The following NRG1 variants were observed in gnomAD, a reference collection of about 807,000 sequenced individuals.
The protein encoded by NRG1 is pro-neuregulin-1, membrane-bound isoform.
A neutral mutation model predicts 63.8 loss-of-function variants in NRG1; 18 were observed. That is an observed-to-expected ratio of 0.28 (90% CI 0.19 to 0.42). NRG1 has a LOEUF of 0.42. Among genes scored for constraint, NRG1 ranks in the 10% least tolerant of loss-of-function variants. NRG1 has a pLI of 1.00. For synonymous variants in NRG1, 302 were observed against 301.3 expected, an observed-to-expected ratio of 1.00 and a Z score of -0.02; for missense variants, 762 against 814.7, an observed-to-expected ratio of 0.94 and a Z score of 0.79.
intron 1 of NRG1, among the ~76,000 whole-genome samples, chr8:31,957,333 A>G (rs1319925294): frequency 1.3e-5 from 2 of 152,116 alleles, no homozygotes; most frequent in African/African-American, 4.8e-5. Context: ...TGTACATGCC[A>G]CATTTCATGA....
intron 1 of NRG1, among the ~76,000 whole-genome samples, chr8:31,680,306 A>C: frequency 9.7e-6 from 1 of 103,536 alleles, no homozygotes; most frequent in African/African-American, 3.9e-5. Context: ...CCCACCCCAC[A>C]ACAGTCCCCA....
chr8:32,241,540 C>T (rs1229879746), intron 1 of NRG1, among the ~76,000 whole-genome samples: 2 of 152,142 alleles, frequency 1.3e-5, no homozygotes, highest in East Asian at 1.9e-4. Context: ...CCAAAATGTA[C>T]TGCACAATTG....
At chr8:31,840,191 T>A (rs1826055175) in intron 1 of NRG1, among the ~76,000 whole-genome samples, 1 of 152,132 alleles carries the variant, frequency 6.6e-6, no homozygotes, top group African/African-American at 2.4e-5. Flanking sequence ...TTACACCAAT[T>A]TGTGACGGTC....
chr8:32,571,082 T>C (rs1191316324), intron 1 of NRG1, among the ~76,000 whole-genome samples: 2 of 152,078 alleles, frequency 1.3e-5, no homozygotes, highest in East Asian at 3.9e-4. Context: ...GAAAGGTGGG[T>C]TAAGAGGATT....
intron 11 of NRG1, chr8:32,763,470 A>G: frequency 8.1e-7 from 1 of 1,237,846 alleles, no homozygotes; most frequent in Non-Finnish European, 1.1e-6. Flanking sequence ...CTCATATGCC[A>G]TTATTTATAA....
At chr8:32,283,848 G>A (rs1234492047) in intron 1 of NRG1, among the ~76,000 whole-genome samples, 2 of 152,124 alleles carry the variant, frequency 1.3e-5, no homozygotes, top group African/African-American at 4.8e-5. Flanking sequence ...AGGCTCTGTT[G>A]ATGATGCATC....
chr8:32,291,533 C>CTTTTT (rs757839225), intron 1 of NRG1, among the ~76,000 whole-genome samples: 22 of 98,030 alleles, frequency 2.2e-4, no homozygotes, highest in East Asian at 6.2e-4. Context: ...TTTTTATCCA[C>CTTTTT]TTTTTTTTTT....
intron 1 of NRG1, among the ~76,000 whole-genome samples, chr8:32,282,781 T>A (rs995765712): frequency 3.3e-5 from 5 of 152,234 alleles, no homozygotes; most frequent in African/African-American, 9.6e-5. Context: ...TTTAAAGGAA[T>A]CATAATTCCT....
chr8:31,888,200 T>C lies in NRG1; in HGVS notation c.37+248769T>C, dbSNP rs571873920. On this transcript the variant is annotated intron_variant, in intron 1 of 10. Transcript: ENST00000519301. The stretch of plus-strand genomic sequence containing the variant: ...CCTCAACAGCATTATAACTTGATAA[T>C]TGTCTTATTTTGGAACTCACGCTGA... 2.8e-4 allele frequency among the ~76,000 whole-genome samples: 43 copies of C among 152,110 alleles called. 1 individual carries two copies. The South Asian group carries it at 5.8e-3, about 21-fold the overall frequency.
At chr8:32,101,097 T>C (rs1830514903) in intron 1 of NRG1, among the ~76,000 whole-genome samples, 1 of 152,194 alleles carries the variant, frequency 6.6e-6, no homozygotes, top group South Asian at 2.1e-4. Context: ...CCAAATAGAA[T>C]ATGTAACTAC....
chr8:32,549,415 A>G (rs936058521), intron 1 of NRG1, among the ~76,000 whole-genome samples: 1 of 152,132 alleles, frequency 6.6e-6, no homozygotes, highest in Admixed American at 6.5e-5. Flanking sequence ...TGCTACGGAG[A>G]CTCAAGAGCA....
At chr8:32,540,376 G>A (rs1406278028) in intron 1 of NRG1, among the ~76,000 whole-genome samples, 2 of 152,112 alleles carry the variant, frequency 1.3e-5, no homozygotes, top group Non-Finnish European at 2.9e-5. Context: ...TCAGCACTCT[G>A]CTTATTATTA....
chr8:31,639,306 A>T, exon 1 of NRG1: 1 of 1,484,064 alleles, frequency 6.7e-7, no homozygotes, highest in Non-Finnish European at 9.1e-7. Flanking sequence ...CCATTGCAGC[A>T]CTCGGGGCGA....
intron 1 of NRG1, among the ~76,000 whole-genome samples, chr8:32,449,563 C>A (rs1004086745): frequency 4.6e-5 from 7 of 152,018 alleles, no homozygotes; most frequent in African/African-American, 1.7e-4. Context: ...TAGGAAAATT[C>A]ATTCATTCAT....
At chr8:32,382,348 A>C (rs1810461496) in intron 1 of NRG1, among the ~76,000 whole-genome samples, 1 of 152,196 alleles carries the variant, frequency 6.6e-6, no homozygotes, top group Admixed American at 6.5e-5. Context: ...GAAATTATAC[A>C]ACCTGTGTAA....
At chr8:32,363,974 G>T (rs1411223116) in intron 1 of NRG1, among the ~76,000 whole-genome samples, 1 of 150,930 alleles carries the variant, frequency 6.6e-6, no homozygotes, top group Non-Finnish European at 1.5e-5. Context: ...ACTAAAAAGG[G>T]TGAATTTTAT....
intron 5 of NRG1, among the ~76,000 whole-genome samples, chr8:32,685,875 G>A (rs539941765): frequency 2.0e-5 from 3 of 152,154 alleles, no homozygotes; most frequent in Non-Finnish European, 2.9e-5. Flanking sequence ...TTGAGAACCT[G>A]AAGAAAGTGA....
At chr8:32,548,899 C>G (rs928862616) in intron 1 of NRG1, 73 bp downstream of exon 1, 31 of 1,470,104 alleles carry the variant, frequency 2.1e-5, no homozygotes, top group Non-Finnish European at 2.5e-5. Context: ...CCTCGGATGC[C>G]GTGGCCTCTC....
chr8:31,899,311 C>T (rs937904229), intron 1 of NRG1, among the ~76,000 whole-genome samples: 2 of 152,098 alleles, frequency 1.3e-5, no homozygotes, highest in African/African-American at 4.8e-5. Context: ...ACTATCCTAC[C>T]TCTCTTTGTC....
Sources: allele counts gnomAD v4.1 joint callset (sites outside exome capture counted in the v4.1 genomes callset), GRCh38; gene constraint gnomAD v4.1.1; transcripts MANE v1.5; gene names NCBI Gene and HGNC (gene_info 2026-07-23, HGNC 2026-07-21).